The following SCARB1 variants were observed in gnomAD, a reference collection of about 807,000 sequenced individuals.
The protein encoded by SCARB1 is CD36 and LIMPII analogous 1.
A neutral mutation model predicts 57.2 loss-of-function variants in SCARB1; 30 were observed. The observed-to-expected ratio is 0.52, with a 90% CI of 0.39 to 0.71. The LOEUF (loss-of-function observed/expected upper bound fraction) is 0.71, where lower values mean the gene tolerates loss of function less well. Among genes scored for constraint, SCARB1 ranks in the 30% least tolerant of loss-of-function variants. The pLI, the probability that SCARB1 is intolerant of heterozygous loss-of-function variation, is 0.00. For synonymous variants in SCARB1, 249 were observed against 268.3 expected, an observed-to-expected ratio of 0.93 and a Z score of 0.70; for missense variants, 543 against 671.2, an observed-to-expected ratio of 0.81 and a Z score of 2.11.
chr12:124,844,566 T>C (rs1485423560), intron 1 of SCARB1, among the ~76,000 whole-genome samples: 1 of 151,868 alleles, frequency 6.6e-6, no homozygotes, highest in Non-Finnish European at 1.5e-5. Context: ...TACGTTTAAA[T>C]GAGGTCAGTG....
chr12:124,778,919 T>C (rs1407797250), intron 12 of SCARB1, among the ~76,000 whole-genome samples: 1 of 152,184 alleles, frequency 6.6e-6, no homozygotes, highest in Non-Finnish European at 1.5e-5. Flanking sequence ...GCAAGCTCTG[T>C]CCCTCAGGAG....
rs1949937706 is a variant in SCARB1, at chr12:124,796,169, G to T, written c.1129-901C>A. Among the ~76,000 whole-genome samples the T allele has an allele frequency of 2.0e-5, 3 of 152,184 alleles. 1 individual carries two copies. The highest frequency in any genetic ancestry group is 2.0e-4 in the Admixed American group (3 of 15,270). On this transcript the variant is annotated intron_variant, in intron 8 of 12. Transcript: ENST00000261693. This position sits in a 1 kb window ranked among gnomAD's most constrained non-coding sequence, Gnocchi z 4.0. ...GGGTTTCACCATGTTGACCAGGCTG[G>T]TCTCAAACTCCTGGCAGCAAGCGAA...
intron 11 of SCARB1, chr12:124,784,052 T>TG (rs1302365046): frequency 6.6e-6 from 1 of 152,236 alleles, no homozygotes; most frequent in African/African-American, 2.4e-5. Flanking sequence ...GTGGACAATT[T>TG]GGAGACAGAC....
At chr12:124,833,882 G>A (rs1392567933) in intron 1 of SCARB1, among the ~76,000 whole-genome samples, 5 of 152,268 alleles carry the variant, frequency 3.3e-5, no homozygotes, top group African/African-American at 4.8e-5. Context: ...ACCCGGGCCG[G>A]GGAATGATCT....
chr12:124,821,269 C>T (rs1443089469), intron 1 of SCARB1: 5 of 442,688 alleles, frequency 1.1e-5, no homozygotes, highest in African/African-American at 4.3e-5. Flanking sequence ...CGCACACACA[C>T]GCGCACACAC....
At chr12:124,837,610 G>C (rs889021349) in intron 1 of SCARB1, among the ~76,000 whole-genome samples, 3 of 148,986 alleles carry the variant, frequency 2.0e-5, no homozygotes, top group Non-Finnish European at 4.5e-5. Flanking sequence ...CAGCCAGCTG[G>C]GTGCAGTGCT....
At chr12:124,862,692 TC>T (rs11300230) in intron 1 of SCARB1, among the ~76,000 whole-genome samples, 149,236 of 152,214 alleles carry the variant, frequency 0.98, 73,226 homozygotes, top group East Asian at 1. Flanking sequence ...ATGTGTGGGT[TC>T]CCAGGGCTTC....
chr12:124,827,804 C>T (rs897047509), intron 1 of SCARB1, among the ~76,000 whole-genome samples: 3 of 152,160 alleles, frequency 2.0e-5, no homozygotes, highest in Non-Finnish European at 4.4e-5. Flanking sequence ...CCTGACCTCC[C>T]GACCTGCCGT....
In SCARB1 at chr12:124,812,454, C is replaced by G. The variant is rs114942262; in HGVS notation, c.631-489G>C. On this transcript the variant is annotated intron_variant, in intron 4 of 12. Transcript: ENST00000261693. This position sits in a 1 kb window ranked among gnomAD's most constrained non-coding sequence, Gnocchi z 4.3. Reference sequence around the variant, plus strand: ...GATCCCCAAGTGACCACCACAAGCGCGGGTGCCCCAGTCACCCACACTGGA... The same window carrying G: ...GATCCCCAAGTGACCACCACAAGCGGGGGTGCCCCAGTCACCCACACTGGA... Among the ~76,000 whole-genome samples, 1 of 152,198 alleles carries G rather than the reference C, an allele frequency of 6.6e-6. No individual in the cohort carries two copies. The highest frequency in any genetic ancestry group is 1.5e-5 in the Non-Finnish European group (1 of 68,042).
At chr12:124,816,616 C>G (rs941601953) in intron 2 of SCARB1, among the ~76,000 whole-genome samples, 3 of 152,184 alleles carry the variant, frequency 2.0e-5, no homozygotes, top group African/African-American at 7.2e-5. Flanking sequence ...CGCCCCATCC[C>G]TGGAACACCG....
intron 12 of SCARB1, among the ~76,000 whole-genome samples, chr12:124,779,980 GAGA>G (rs1873131192): frequency 1.3e-5 from 2 of 152,210 alleles, no homozygotes; most frequent in South Asian, 2.1e-4. Context: ...GCCGTGACTT[GAGA>G]AGGTCTCACT....
In SCARB1 at chr12:124,857,745, T is replaced by C. The variant is rs551646807; in HGVS notation, c.126+5850A>G. 2.6e-5 allele frequency among the ~76,000 whole-genome samples: 4 copies of C among 152,324 alleles called. No homozygotes were observed. The East Asian group carries it at 7.7e-4, about 29-fold the overall frequency. On this transcript the variant is annotated intron_variant, in intron 1 of 12. Coordinates refer to ENST00000261693, the MANE Select transcript of SCARB1 (RefSeq NM_005505.5). ...GGAAACAAAAGGAGGTGCCGTTTATTGAGACAGGGATCATAGGTGGGGGAA... is the reference window on the plus strand; with the variant it reads ...GGAAACAAAAGGAGGTGCCGTTTATCGAGACAGGGATCATAGGTGGGGGAA...
chr12:124,853,003 C>T (rs1011761640), intron 1 of SCARB1, among the ~76,000 whole-genome samples: 1 of 152,230 alleles, frequency 6.6e-6, no homozygotes, highest in South Asian at 2.1e-4. Context: ...GGGGCCATTG[C>T]CCTCCAGCTG....
chr12:124,852,756 G>A (rs966222133), intron 1 of SCARB1, among the ~76,000 whole-genome samples: 2 of 152,214 alleles, frequency 1.3e-5, no homozygotes, highest in Non-Finnish European at 2.9e-5. Context: ...CACAGATGGC[G>A]CAAGCCAGGC....
chr12:124,856,551 G>A (rs1952639311), intron 1 of SCARB1, among the ~76,000 whole-genome samples: 1 of 152,230 alleles, frequency 6.6e-6, no homozygotes, highest in South Asian at 2.1e-4. Context: ...CATGCTAGAA[G>A]GAGTAGGAAG....
intron 1 of SCARB1, among the ~76,000 whole-genome samples, chr12:124,829,794 C>A (rs546308536): frequency 7.2e-5 from 11 of 152,326 alleles, no homozygotes; most frequent in African/African-American, 2.6e-4. Flanking sequence ...CTGCTCTAGG[C>A]CTGGGCACTT....
intron 2 of SCARB1, among the ~76,000 whole-genome samples, chr12:124,816,025 C>G (rs1484472563): frequency 6.7e-6 from 1 of 149,768 alleles, no homozygotes; most frequent in African/African-American, 2.6e-5. Flanking sequence ...CCGCACAGGC[C>G]TCTGTCCCAG....
Position 124,780,287 on chromosome 12 carries a change from G to A in SCARB1, c.*1-1701C>T, listed in dbSNP as rs187067191. Among the ~76,000 whole-genome samples, 302 of 152,304 alleles carry A rather than the reference G, an allele frequency of 2.0e-3. 1 individual carries two copies. The highest frequency in any genetic ancestry group is 0.017 in the Middle Eastern group (5 of 294). On this transcript the variant is annotated intron_variant, in intron 12 of 12. Transcript: ENST00000261693. The stretch of plus-strand genomic sequence containing the variant: ...CCCAGCTGAAGGGTTACAGACCAGT[G>A]GACACACAGTTTACCAAGCCCCCTG...
intron 11 of SCARB1, chr12:124,784,027 C>T (rs968238515): frequency 2.6e-5 from 4 of 152,176 alleles, no homozygotes; most frequent in African/African-American, 9.7e-5. Flanking sequence ...ACCCTCCTTC[C>T]CTGTCCCCAT....
Sources: gnomAD v4.1 joint callset for allele counts (sites outside exome capture counted in the v4.1 genomes callset) on GRCh38, gnomAD v4.1.1 for gene constraint, Gnocchi (gnomAD v3.1) non-coding constraint, MANE v1.5 for transcripts, NCBI Gene and HGNC (gene_info 2026-07-23, HGNC 2026-07-21) for gene names.